The following DNAH12 variants were observed in gnomAD, a reference collection of about 807,000 sequenced individuals.
DNAH12 encodes the protein dynein axonemal heavy chain 12, also known as axonemal beta dynein heavy chain 12.
Under a neutral mutation model 371.5 loss-of-function variants are expected in DNAH12, and 285 were observed. The ratio of observed to expected loss-of-function variants is 0.77; its 90% CI spans 0.70 to 0.85. The LOEUF (loss-of-function observed/expected upper bound fraction) is 0.85, where lower values mean the gene tolerates loss of function less well. DNAH12 is among the 40% of genes least tolerant of loss of function. The probability of loss-of-function intolerance (pLI) is 0.00; values close to 1 mark genes in which losing one functional copy is unlikely to be tolerated. For missense variants in DNAH12, 3,611 were observed against 3,689.4 expected (o/e 0.98, Z 0.55); for synonymous variants, 1,200 against 1,213.0 (o/e 0.99, Z 0.22).
chr3:57,500,164 C>CA (rs200750856), intron 11 of DNAH12, among the ~76,000 whole-genome samples: 5 of 146,796 alleles, frequency 3.4e-5, no homozygotes, highest in South Asian at 2.1e-4. Context: ...CTCAGCCCCC[C>CA]CTAGTAGCTG....
At chr3:57,524,218 G>A (rs191419764) in intron 2 of DNAH12, among the ~76,000 whole-genome samples, 14 of 152,004 alleles carry the variant, frequency 9.2e-5, no homozygotes, top group African/African-American at 1.9e-4. Flanking sequence ...AAGCCTCCCC[G>A]TACCCCCATA....
In DNAH12 at chr3:57,403,511, A is replaced by C; in HGVS notation, c.6756-10T>G. On this transcript the variant is annotated splice_polypyrimidine_tract_variant and intron_variant, in intron 42 of 73. Transcript: ENST00000495027. Reference sequence around the variant, plus strand: ...ATGTTCCAAAACATACCTACCACAAAAGAAAAATTTTATTAATGCATTACA... The same window carrying C: ...ATGTTCCAAAACATACCTACCACAACAGAAAAATTTTATTAATGCATTACA... The C allele has an allele frequency of 6.5e-7, 1 of 1,534,572 alleles. No individual in the cohort carries two copies. Among genetic ancestry groups the C allele is most frequent in the Non-Finnish European group, 8.8e-7 (1 of 1,140,526 alleles).
chr3:57,520,027 C>T, intron 4 of DNAH12: 2 of 718,584 alleles, frequency 2.8e-6, no homozygotes, highest in South Asian at 3.3e-5. Context: ...GCCGCGGAGC[C>T]GATGGCCGAC....
Position 57,468,843 on chromosome 3 carries a change from C to T in DNAH12, c.2242G>A (p.Ala748Thr), listed in dbSNP as rs1001774703. The change falls in exon 17 of 74, where the codon GCA becomes ACA. Residue 748 changes from alanine to threonine, a missense_variant. Physicochemically the swap from Ala to Thr is moderately conservative, Grantham distance 58. Coordinates refer to ENST00000495027, the MANE Select transcript of DNAH12 (RefSeq NM_001366028.2). ...TCTTCCAAAGACCGTTTTCTTGCTG[C>T]CTTTCTTTTTTCTTGTAATTCTTTC... is the stretch of plus-strand genomic sequence containing the variant. ...LKKELQEKRKAARKRSLEEEK... is the reference protein window; with the variant it reads ...LKKELQEKRKTARKRSLEEEK... 2.0e-6 allele frequency: 3 copies of T among 1,525,446 alleles called. No individual in the cohort carries two copies. The highest frequency in any genetic ancestry group is 2.8e-5 in the African/African-American group (2 of 70,992). The allele number at this position is 1,525,446 out of a possible 1,614,324, so 94.5% of individuals were successfully genotyped here.
intron 30 of DNAH12, among the ~76,000 whole-genome samples, chr3:57,435,373 CA>C (rs34515598): frequency 0.32 from 30,646 of 94,816 alleles, 4,126 homozygotes; most frequent in South Asian, 0.45. Flanking sequence ...CTCTGTCTCC[CA>C]AAAAAAAAAA....
At chr3:57,351,927 T>C (rs969390036) in intron 60 of DNAH12, among the ~76,000 whole-genome samples, 158 bp downstream of exon 60, 1 of 152,202 alleles carries the variant, frequency 6.6e-6, no homozygotes, top group South Asian at 2.1e-4. Flanking sequence ...TAAACACCGA[T>C]ACTATCGTAG....
chr3:57,329,955 T>A (rs1347852706), intron 62 of DNAH12, among the ~76,000 whole-genome samples: 1 of 151,690 alleles, frequency 6.6e-6, no homozygotes, highest in African/African-American at 2.4e-5. Context: ...AAAAAACACA[T>A]GAAAAAATGC....
intron 55 of DNAH12, among the ~76,000 whole-genome samples, chr3:57,370,532 TAAAC>T (rs2063149139): frequency 6.6e-6 from 1 of 152,198 alleles, no homozygotes; most frequent in Non-Finnish European, 1.5e-5. Flanking sequence ...CACAATATTA[TAAAC>T]AGACAAACTG....
intron 13 of DNAH12, among the ~76,000 whole-genome samples, chr3:57,478,191 A>G (rs2066604257): frequency 6.6e-6 from 1 of 152,130 alleles, no homozygotes; most frequent in Non-Finnish European, 1.5e-5. Flanking sequence ...AATTAGACGA[A>G]TGGCTAACTA....
intron 69 of DNAH12, among the ~76,000 whole-genome samples, chr3:57,306,454 T>C (rs976360115): frequency 2.0e-5 from 3 of 152,102 alleles, no homozygotes; most frequent in Admixed American, 6.5e-5. Context: ...GCTGAGACAC[T>C]TTAACTAAAT....
rs1295487237 is a variant in DNAH12, at chr3:57,445,400, G to A, written c.4199C>T (p.Ala1400Val). ...DNLKVLFRTV[A>V]MMVPNYALIA... ...AAGCGCATAGTTTGGAACCATCATA[G>A]CCACTGTTCTAAAAAGAACCTGAAG... The change falls in exon 28 of 74, where the codon GCT becomes GTT. Residue 1400 changes from alanine (A) to valine (V), a missense_variant. This residue lies in a region of DNAH12 where 2,266 missense variants were observed against 2,236.9 expected (regional missense o/e 1.01). Transcript: ENST00000495027. 2.6e-6 allele frequency: 4 copies of A among 1,532,210 alleles called. No individual in the cohort carries two copies. The South Asian group carries it at 5.0e-5, about 19-fold the overall frequency. The allele number at this position is 1,532,210 out of a possible 1,614,324, so 94.9% of individuals were successfully genotyped here.
At chr3:57,344,158 C>A (rs981891747) in intron 60 of DNAH12, among the ~76,000 whole-genome samples, 3 of 152,292 alleles carry the variant, frequency 2.0e-5, no homozygotes, top group Admixed American at 6.5e-5. Context: ...TTCTCAGTCT[C>A]TCGTCCCACC....
chr3:57,373,789 C>A (rs1219376609), intron 55 of DNAH12, among the ~76,000 whole-genome samples: 9 of 152,246 alleles, frequency 5.9e-5, no homozygotes, highest in Admixed American at 2.0e-4. Context: ...AAAATATATT[C>A]TTTTTCAGAT....
intron 70 of DNAH12, among the ~76,000 whole-genome samples, chr3:57,300,607 G>A (rs1204815382): frequency 5.3e-5 from 8 of 152,096 alleles, no homozygotes; most frequent in South Asian, 2.1e-4. Context: ...AAAGAAAGTC[G>A]AATGGAAACA....
Position 57,436,817 on chromosome 3 carries a change from G to A in DNAH12, c.4655+134C>T, listed in dbSNP as rs781189736. The A allele has an allele frequency of 2.0e-4, 117 of 576,956 alleles. 1 individual carries two copies. The highest frequency in any genetic ancestry group is 3.2e-4 in the Non-Finnish European group (108 of 341,328). The allele number at this position is 576,956 out of a possible 1,614,324, so 35.7% of individuals were successfully genotyped here. On this transcript the variant is annotated intron_variant, in intron 30 of 73. Coordinates refer to ENST00000495027, the MANE Select transcript of DNAH12 (RefSeq NM_001366028.2). The stretch of plus-strand genomic sequence containing the variant: ...ATAAACCTTTGCCTTTTAAGCCACT[G>A]GGGGGCCAGGGGGCGGGCGGGGGTT...
chr3:57,436,278 C>A (rs999088124), intron 30 of DNAH12, among the ~76,000 whole-genome samples: 1 of 152,018 alleles, frequency 6.6e-6, no homozygotes, highest in African/African-American at 2.4e-5. Flanking sequence ...TTTAATGACA[C>A]CCTGTATAAT....
rs1553682028 is a variant in DNAH12, at chr3:57,408,497, T to C, written c.6059A>G (p.Asp2020Gly). 2 of 1,549,946 alleles carry C rather than the reference T, an allele frequency of 1.3e-6. No homozygotes were observed. Among genetic ancestry groups the C allele is most frequent in the Non-Finnish European group, 1.7e-6 (2 of 1,146,338 alleles). Residue 2020 changes from aspartate to glycine, a missense_variant, in exon 40 of 74, where the codon GAC (aspartate) becomes GGC (glycine). Coordinates refer to ENST00000495027, the MANE Select transcript of DNAH12 (RefSeq NM_001366028.2). ...GCCCATTGCAGCAATCAGCTCTATG[T>C]CCACCAGCGTGATTTTACTTGTGTC... ...LKDTSKITLVDIELIAAMGPP... is the reference protein window; with the variant it reads ...LKDTSKITLVGIELIAAMGPP...
At chr3:57,406,856 T>C (rs1355286224) in intron 40 of DNAH12, among the ~76,000 whole-genome samples, 1 of 152,108 alleles carries the variant, frequency 6.6e-6, no homozygotes, top group Non-Finnish European at 1.5e-5. Context: ...TAAAGGAAGG[T>C]GAATTAAGCC....
At chr3:57,532,947 G>C (rs747617530) in intron 2 of DNAH12, among the ~76,000 whole-genome samples, 1 of 152,180 alleles carries the variant, frequency 6.6e-6, no homozygotes, top group Non-Finnish European at 1.5e-5. Context: ...GCCCCAGGTG[G>C]GTCCAGAGAT....
Sources: gnomAD v4.1 joint callset for allele counts (sites outside exome capture counted in the v4.1 genomes callset) on GRCh38, gnomAD v4.1.1 for gene constraint, gnomAD v4.1.1 regional missense constraint, MANE v1.5 for transcripts, NCBI Gene and HGNC (gene_info 2026-07-23, HGNC 2026-07-21) for gene names.